The following TDRD5 variants were observed in gnomAD, a reference collection of about 807,000 sequenced individuals.
TDRD5 encodes tudor domain-containing protein 5.
TDRD5 carries 41 observed loss-of-function variants against 120.6 expected under a neutral mutation model. The observed-to-expected ratio is 0.34, with a 90% confidence interval of 0.26 to 0.44. The LOEUF (loss-of-function observed/expected upper bound fraction) is 0.44, where lower values mean the gene tolerates loss of function less well. TDRD5 is among the 20% of genes least tolerant of loss of function. TDRD5 has a pLI of 1.00. For synonymous variants in TDRD5, 430 were observed against 433.7 expected (o/e 0.99, Z 0.11); for missense variants, 1,006 against 1,221.2 (o/e 0.82, Z 2.63).
In TDRD5 at chr1:179,595,730, C is replaced by G. The variant is rs767650350; in HGVS notation, c.743C>G (p.Pro248Arg). The G allele has an allele frequency of 1.9e-5, 30 of 1,613,728 alleles. No homozygotes were observed. In the South Asian group the frequency reaches 3.3e-4, roughly 18 times the overall value. ...TCACAACCCACTTCAAACATGGAAC[C>G]ACCGAAGCAAATAATGAGCATGGAA... Reference protein sequence around the residue: ...CFSQPTSNMEPPKQIMSMEKT... With the variant: ...CFSQPTSNMERPKQIMSMEKT... The change falls in exon 4 of 18, where the codon CCA becomes CGA. Residue 248 changes from proline to arginine, a missense_variant. Pro to Arg is a moderately radical substitution (Grantham distance 103). This residue lies in a region of TDRD5 where 445 missense variants were observed against 515.5 expected (regional missense o/e 0.86). Coordinates refer to ENST00000444136, the MANE Select transcript of TDRD5 (RefSeq NM_001199085.3).
chr1:179,635,713 A>C lies in TDRD5; in HGVS notation c.1346A>C (p.His449Pro). The change falls in exon 9 of 18, where the codon CAT (histidine) becomes CCT (proline). Residue 449 changes from histidine to proline, a missense_variant. Physicochemically the swap from His to Pro is moderately conservative, Grantham distance 77. Transcript: ENST00000444136. ...GAGCTCAACTTGGCAATGGCAAATC[A>C]TGACATCCCGCCAGACGCTGTGCCG... ...KSELNLAMAN[H>P]DIPPDAVPNK... is the part of the protein sequence containing the mutation. The C allele has an allele frequency of 6.2e-7, 1 of 1,614,098 alleles. No homozygotes were observed.
chr1:179,595,825 G>A lies in TDRD5; in HGVS notation c.831+7G>A, dbSNP rs1192074160. On this transcript the variant is annotated splice_region_variant and intron_variant, in intron 4 of 17. Coordinates refer to ENST00000444136, the MANE Select transcript of TDRD5 (RefSeq NM_001199085.3). ...CACTGAAAAATTAAACCAGGTGAGA[G>A]ATAAGAATTTGGAGATATAAATATA... The A allele has an allele frequency of 6.3e-7, 1 of 1,594,800 alleles. No individual in the cohort carries two copies. Among genetic ancestry groups the A allele is most frequent in the South Asian group, 1.1e-5 (1 of 87,224 alleles).
chr1:179,633,277 A>T (rs1330116584), intron 7 of TDRD5, among the ~76,000 whole-genome samples: 2 of 152,148 alleles, frequency 1.3e-5, no homozygotes, highest in Non-Finnish European at 2.9e-5. Context: ...ATACAGTGAC[A>T]AATATTCTTG....
rs140981721 is a variant in TDRD5, at chr1:179,663,013, TATAAGA to T, written c.2506-329_2506-324del. ...TATTTGAAATTTATTTTCCACTGGC[TATAAGA>T]ATAAGTATCTGAAATTATGTTGCTC... On this transcript the variant is annotated intron_variant, in intron 15 of 17. Coordinates refer to ENST00000444136, the MANE Select transcript of TDRD5 (RefSeq NM_001199085.3). Among the ~76,000 whole-genome samples the T allele has an allele frequency of 8.2e-3, 1,248 of 152,296 alleles. 14 individuals carry two copies. The highest frequency in any genetic ancestry group is 0.028 in the African/African-American group (1,175 of 41,548).
chr1:179,658,394 G>T (rs946827265), intron 14 of TDRD5, among the ~76,000 whole-genome samples: 1 of 152,106 alleles, frequency 6.6e-6, no homozygotes, highest in Admixed American at 6.6e-5. Context: ...TGGGCCTGGA[G>T]ACTTTTTTCC....
intron 14 of TDRD5, among the ~76,000 whole-genome samples, chr1:179,659,596 C>CGT (rs1558413415): frequency 4.7e-5 from 7 of 147,812 alleles, no homozygotes; most frequent in Non-Finnish European, 9.0e-5. Context: ...TGTGTGCGCG[C>CGT]GCTTGCCTGG....
chr1:179,655,470 T>A (rs536879021), intron 14 of TDRD5, among the ~76,000 whole-genome samples: 1 of 152,354 alleles, frequency 6.6e-6, no homozygotes, highest in Admixed American at 6.5e-5. Context: ...TAACACATAG[T>A]AAAATTGACT....
At chr1:179,658,216 CTTTA>C (rs1421031811) in intron 14 of TDRD5, among the ~76,000 whole-genome samples, 7 of 151,966 alleles carry the variant, frequency 4.6e-5, no homozygotes, top group African/African-American at 1.2e-4. Context: ...ACCACGTTTT[CTTTA>C]TTTGTTTATT....
chr1:179,630,731 A>C, intron 6 of TDRD5, 36 bp from the exon 7 acceptor site: 1 of 1,602,764 alleles, frequency 6.2e-7, no homozygotes, highest in Non-Finnish European at 8.5e-7. Flanking sequence ...CTGTTATCTA[A>C]TGCTGTTTCA....
rs1020435064 is a variant in TDRD5 at position 179,615,312 on chromosome 1, TA to T, written c.832-3283del. Among the ~76,000 whole-genome samples, 87 of 152,276 alleles carry T rather than the reference TA, an allele frequency of 5.7e-4. 1 individual carries two copies. The highest frequency in any genetic ancestry group is 9.2e-4 in the Admixed American group (14 of 15,290). ...TGTTGAATGAGTAAGTGGGTATTTT[TA>T]AAATTTTATAATTTGATGGGCAAAT... On this transcript the variant is annotated intron_variant, in intron 4 of 17. Coordinates refer to ENST00000444136, the MANE Select transcript of TDRD5 (RefSeq NM_001199085.3).
In TDRD5 at chr1:179,603,099, G is replaced by A. The variant is rs147312202; in HGVS notation, c.831+7281G>A. Among the ~76,000 whole-genome samples, 982 of 152,090 alleles carry A rather than the reference G, an allele frequency of 6.5e-3. 10 individuals are homozygous for A. The highest frequency in any genetic ancestry group is 0.01 in the Non-Finnish European group (707 of 67,970). On this transcript the variant is annotated intron_variant, in intron 4 of 17. Coordinates refer to ENST00000444136, the MANE Select transcript of TDRD5 (RefSeq NM_001199085.3). Reference sequence around the variant, plus strand: ...CCTTGTAGAGGTCTTTTGCCTCCTCGGTTAGGTATATTCCTAAGTATTTTG... The same window carrying A: ...CCTTGTAGAGGTCTTTTGCCTCCTCAGTTAGGTATATTCCTAAGTATTTTG...
intron 4 of TDRD5, among the ~76,000 whole-genome samples, chr1:179,611,475 A>G (rs888755353): frequency 6.6e-6 from 1 of 152,102 alleles, no homozygotes; most frequent in Non-Finnish European, 1.5e-5. Flanking sequence ...TAGTTTTCCC[A>G]TAGGTTTTCC....
chr1:179,659,901 G>A (rs1679208636), intron 14 of TDRD5, among the ~76,000 whole-genome samples: 1 of 151,804 alleles, frequency 6.6e-6, no homozygotes, highest in South Asian at 2.1e-4. Flanking sequence ...TCTCCATGTT[G>A]GTCAGGCTGG....
chr1:179,682,870 T>TC (rs2147812163), intron 17 of TDRD5, among the ~76,000 whole-genome samples: 1 of 152,286 alleles, frequency 6.6e-6, no homozygotes, highest in African/African-American at 2.4e-5. Context: ...CACAAACTGT[T>TC]TTGTCCCAAC....
chr1:179,682,591 G>A (rs1323652841), intron 17 of TDRD5, among the ~76,000 whole-genome samples: 1 of 152,048 alleles, frequency 6.6e-6, no homozygotes, highest in East Asian at 1.9e-4. Context: ...TGGCTGCATA[G>A]TATTCCATGG....
chr1:179,641,040 A>T (rs1375097179), intron 11 of TDRD5, among the ~76,000 whole-genome samples: 2 of 152,158 alleles, frequency 1.3e-5, no homozygotes, highest in Non-Finnish European at 2.9e-5. Flanking sequence ...GGTGGAATGG[A>T]GCAGGAGGCA....
chr1:179,614,608 TTGTG>T (rs1676465715), intron 4 of TDRD5, among the ~76,000 whole-genome samples: 1 of 152,096 alleles, frequency 6.6e-6, no homozygotes, highest in African/African-American at 2.4e-5. Context: ...CTCACATAGA[TTGTG>T]TGTGTGCTCC....
chr1:179,662,182 C>G lies in TDRD5; in HGVS notation c.2401C>G (p.Leu801Val). The G allele has an allele frequency of 6.2e-7, 1 of 1,612,762 alleles. No homozygotes were observed. The highest frequency in any genetic ancestry group is 8.5e-7 in the Non-Finnish European group (1 of 1,179,474). Residue 801 changes from leucine (L) to valine (V), a missense_variant, in exon 15 of 18, where the codon CTA becomes GTA. Around this residue, in one of 3 missense-constraint regions of TDRD5, gnomAD observed 403 missense variants for 448.1 expected, o/e 0.90. Coordinates refer to ENST00000444136, the MANE Select transcript of TDRD5 (RefSeq NM_001199085.3). ...DDIWDENWLP[L>V]QAKMGKGGDA... ...TATTTGGGATGAGAACTGGTTACCT[C>G]TACAGGCTAAGATGGGAAAAGGAGG...
intron 4 of TDRD5, among the ~76,000 whole-genome samples, chr1:179,615,355 GTGTA>G: frequency 6.6e-6 from 1 of 152,146 alleles, no homozygotes; most frequent in South Asian, 2.1e-4. Context: ...CTCTGTTAAC[GTGTA>G]TGTATTTGAG....
Sources: gnomAD v4.1 joint callset for allele counts (sites outside exome capture counted in the v4.1 genomes callset) on GRCh38, gnomAD v4.1.1 for gene constraint, gnomAD v4.1.1 regional missense constraint, MANE v1.5 for transcripts, NCBI Gene and HGNC (gene_info 2026-07-23, HGNC 2026-07-21) for gene names.